The following ALG8 variants were observed in gnomAD, a reference collection of about 807,000 sequenced individuals.
ALG8 encodes the protein dolichyl pyrophosphate Glc1Man9GlcNAc2 alpha-1,3-glucosyltransferase.
In ALG8, 48 loss-of-function variants were observed where a neutral mutation model predicts 70.2. The ratio of observed to expected loss-of-function variants is 0.68; its 90% CI spans 0.54 to 0.87. ALG8 has a LOEUF of 0.87. Among genes scored for constraint, ALG8 ranks in the 40% least tolerant of loss-of-function variants. The pLI is 0.00. For missense variants in ALG8, 572 were observed against 608.7 expected, an observed-to-expected ratio of 0.94 and a Z score of 0.64; for synonymous variants, 234 against 229.0, an observed-to-expected ratio of 1.02 and a Z score of -0.20.
At chr11:78,124,581 A>G (rs1345422057) in intron 2 of ALG8, among the ~76,000 whole-genome samples, 3 of 152,238 alleles carry the variant, frequency 2.0e-5, no homozygotes, top group Non-Finnish European at 4.4e-5. Context: ...ATGGTCTTCA[A>G]TTTCCTTAAA....
intron 1 of ALG8, chr11:78,135,213 G>A (rs1303476811): frequency 6.6e-6 from 1 of 152,000 alleles, no homozygotes; most frequent in African/African-American, 2.4e-5. Context: ...AAATTAGCAG[G>A]GTATGGTAGC....
chr11:78,114,059 G>C, intron 6 of ALG8, 70 bp from the exon 7 acceptor site: 1 of 1,444,236 alleles, frequency 6.9e-7, no homozygotes, highest in Non-Finnish European at 9.6e-7. Flanking sequence ...TATATCATGT[G>C]CTAAAACTAG....
chr11:78,112,509 C>G, intron 8 of ALG8, 141 bp downstream of exon 8: 3 of 1,272,564 alleles, frequency 2.4e-6, no homozygotes, highest in Non-Finnish European at 3.4e-6. Context: ...ACTGCTCCCC[C>G]TGTTCATCCT....
chr11:78,102,519 C>T (rs1859839592), intron 12 of ALG8, among the ~76,000 whole-genome samples: 1 of 152,130 alleles, frequency 6.6e-6, no homozygotes. Flanking sequence ...TACTGATGTA[C>T]AAGTATCTGT....
At chr11:78,125,902 G>A (rs1414051798) in intron 2 of ALG8, among the ~76,000 whole-genome samples, 2 of 152,212 alleles carry the variant, frequency 1.3e-5, no homozygotes, top group Admixed American at 1.3e-4. Flanking sequence ...GCTCACGCCT[G>A]TAATCCCAGC....
intron 3 of ALG8, among the ~76,000 whole-genome samples, chr11:78,122,471 A>T (rs1860864411): frequency 6.6e-6 from 1 of 151,812 alleles, no homozygotes; most frequent in South Asian, 2.1e-4. Context: ...GCTCCCAAGT[A>T]GCTGGGACAA....
intron 8 of ALG8, among the ~76,000 whole-genome samples, chr11:78,111,457 T>C (rs1009985457): frequency 6.6e-6 from 1 of 152,190 alleles, no homozygotes; most frequent in Non-Finnish European, 1.5e-5. Context: ...CACACTGCAA[T>C]AGCAATTTAC....
chr11:78,106,984 T>C (rs1299792773), intron 9 of ALG8, 38 bp from the exon 10 acceptor site: 6 of 1,611,662 alleles, frequency 3.7e-6, no homozygotes, highest in Non-Finnish European at 5.1e-6. Context: ...CAGTATCATT[T>C]GAAACAGACT....
At chr11:78,129,828 C>T (rs1277940273) in intron 1 of ALG8, among the ~76,000 whole-genome samples, 1 of 151,944 alleles carries the variant, frequency 6.6e-6, no homozygotes, top group Non-Finnish European at 1.5e-5. Flanking sequence ...CTCTTTGTGA[C>T]CCTCAATTAT....
intron 9 of ALG8, among the ~76,000 whole-genome samples, chr11:78,109,196 C>G (rs530771166): frequency 5.3e-5 from 8 of 152,096 alleles, no homozygotes; most frequent in African/African-American, 1.9e-4. Context: ...TTTTCCCTTC[C>G]CCCGGGTGAA....
At chr11:78,133,750 A>T (rs529555817) in intron 1 of ALG8, among the ~76,000 whole-genome samples, 1 of 152,156 alleles carries the variant, frequency 6.6e-6, no homozygotes, top group East Asian at 1.9e-4. Context: ...AATACAAAAA[A>T]AATTAGCCGG....
chr11:78,134,641 G>C (rs1222053715), intron 1 of ALG8, among the ~76,000 whole-genome samples: 1 of 152,130 alleles, frequency 6.6e-6, no homozygotes, highest in Non-Finnish European at 1.5e-5. Flanking sequence ...TAAATCCTTT[G>C]TTGTCATTTC....
chr11:78,106,877 C>T lies in ALG8; in HGVS notation c.1108G>A (p.Ala370Thr). Reference protein sequence around the residue: ...RGFLRCLTLCALSSFMFGWHV... With the variant: ...RGFLRCLTLCTLSSFMFGWHV... ...CACCCAAACATAAAGGAGCTCAAGG[C>T]ACAAAGAGTTAGACATCGGAGAAAG... The change falls in exon 10 of 13, where the codon GCC (alanine) becomes ACC (threonine). Residue 370 changes from alanine to threonine, a missense_variant. By Grantham distance (58) the Ala-to-Thr change is moderately conservative. Transcript: ENST00000299626. 1 of 1,614,074 alleles carries T rather than the reference C, an allele frequency of 6.2e-7. No individual in the cohort carries two copies. The highest frequency in any genetic ancestry group is 1.1e-5 in the South Asian group (1 of 91,086).
intron 4 of ALG8, among the ~76,000 whole-genome samples, chr11:78,119,532 G>A (rs564359184): frequency 1.4e-4 from 21 of 150,326 alleles, no homozygotes; most frequent in Middle Eastern, 3.5e-3. Context: ...GGGTCCAAGC[G>A]ATTCTCCTGC....
rs565758373 is a variant in ALG8 at position 78,105,058 on chromosome 11, C to G, written c.1179-605G>C. On this transcript the variant is annotated intron_variant, in intron 10 of 12. Coordinates refer to ENST00000299626, the MANE Select transcript of ALG8 (RefSeq NM_024079.5). The stretch of plus-strand genomic sequence containing the variant: ...TTGGGAGCTGCCTAGTGGTGGCAGT[C>G]AGGGAAACAGGACTTGGAGTTTCAT... 9.9e-5 allele frequency among the ~76,000 whole-genome samples: 15 copies of G among 152,246 alleles called. No individual in the cohort carries two copies. In the East Asian group the frequency reaches 2.9e-3, roughly 29 times the overall value.
rs372919051 is a variant in ALG8 at position 78,112,640 on chromosome 11, G to T, written c.898+10C>A. The T allele has an allele frequency of 6.2e-7, 1 of 1,613,200 alleles. No homozygotes were observed. Among genetic ancestry groups the T allele is most frequent in the South Asian group, 1.1e-5 (1 of 91,056 alleles). ...TTCAGAGTCTGAGTAAAAAATGCTC[G>T]CTACCATACCGATGACAGACAGCAC... On this transcript the variant is annotated intron_variant, in intron 8 of 12. Transcript: ENST00000299626.
chr11:78,116,419 G>A (rs1213499431), intron 5 of ALG8, among the ~76,000 whole-genome samples: 1 of 151,786 alleles, frequency 6.6e-6, no homozygotes, highest in Non-Finnish European at 1.5e-5. Context: ...CTATAACTAA[G>A]AAGTTATAGT....
intron 1 of ALG8, among the ~76,000 whole-genome samples, chr11:78,136,880 A>T (rs1861576232): frequency 6.6e-6 from 1 of 150,952 alleles, no homozygotes; most frequent in Admixed American, 6.6e-5. Context: ...CTTGTACTTT[A>T]TTATGGAGAT....
chr11:78,113,497 G>A (rs916011154), intron 7 of ALG8, among the ~76,000 whole-genome samples: 4 of 152,112 alleles, frequency 2.6e-5, no homozygotes, highest in Non-Finnish European at 5.9e-5. Flanking sequence ...TGGATCACCT[G>A]AGGTCAGAAG....
Sources: gnomAD v4.1 joint callset for allele counts (sites outside exome capture counted in the v4.1 genomes callset) on GRCh38, gnomAD v4.1.1 for gene constraint, MANE v1.5 for transcripts, NCBI Gene and HGNC (gene_info 2026-07-23, HGNC 2026-07-21) for gene names.